The following NARS2 variants were observed in gnomAD, a reference collection of about 807,000 sequenced individuals.
NARS2 encodes the protein asparaginyl-tRNA synthetase.
A neutral mutation model predicts 62.9 loss-of-function variants in NARS2; 60 were observed. The ratio of observed to expected loss-of-function variants is 0.95; its 90% CI spans 0.77 to 1.18. NARS2 has a LOEUF of 1.18. NARS2 is among the 50% of genes most tolerant of loss of function. NARS2 has a pLI of 0.00. For synonymous variants in NARS2, 196 were observed against 200.0 expected (o/e 0.98, Z 0.17); for missense variants, 619 against 576.4 (o/e 1.07, Z -0.76).
chr11:78,516,286 G>A (rs1398391271), intron 6 of NARS2, among the ~76,000 whole-genome samples: 1 of 152,146 alleles, frequency 6.6e-6, no homozygotes. Context: ...CAATAATGGG[G>A]AGAAAGAGCT....
chr11:78,529,409 G>T (rs969821980), intron 5 of NARS2, among the ~76,000 whole-genome samples: 31 of 152,038 alleles, frequency 2.0e-4, no homozygotes, highest in African/African-American at 7.5e-4. Context: ...AACACATTAT[G>T]AACTTTCAAA....
Position 78,518,870 on chromosome 11 carries a change from G to C in NARS2, c.689+9972C>G, listed in dbSNP as rs113154875. ...TGAGTACTATAAGAGAGCAGAAAAA[G>C]ATAAAAATAATTTCTATGAGAAAAG... On this transcript the variant is annotated intron_variant, in intron 6 of 13. Transcript: ENST00000281038. Among the ~76,000 whole-genome samples, 182 of 152,200 alleles carry C rather than the reference G, an allele frequency of 1.2e-3. 1 individual carries two copies. Among genetic ancestry groups the C allele is most frequent in the African/African-American group, 4.3e-3 (177 of 41,526 alleles).
chr11:78,570,893 C>G (rs1856898566), intron 2 of NARS2, among the ~76,000 whole-genome samples: 1 of 152,090 alleles, frequency 6.6e-6, no homozygotes. Flanking sequence ...CATTTTAAGA[C>G]AGATGTAGGC....
intron 5 of NARS2, among the ~76,000 whole-genome samples, chr11:78,534,744 C>A (rs760416621): frequency 6.6e-6 from 1 of 152,162 alleles, no homozygotes; most frequent in Non-Finnish European, 1.5e-5. Flanking sequence ...CTGGGAATAG[C>A]AGTTACTCAG....
chr11:78,563,829 CAAAAAAA>C (rs1167838676), intron 4 of NARS2, among the ~76,000 whole-genome samples: 5 of 14,120 alleles, frequency 3.5e-4, no homozygotes, highest in African/African-American at 1.3e-3. Context: ...AACTCTGTAT[CAAAAAAA>C]AAAAAAAAAA....
At chr11:78,515,820 G>A (rs1860889338) in intron 6 of NARS2, among the ~76,000 whole-genome samples, 1 of 152,110 alleles carries the variant, frequency 6.6e-6, no homozygotes, top group African/African-American at 2.4e-5. Flanking sequence ...CACTGCACCT[G>A]GCCTGAACTG....
chr11:78,464,421 C>T (rs574700799), intron 11 of NARS2, among the ~76,000 whole-genome samples: 2 of 152,284 alleles, frequency 1.3e-5, no homozygotes, highest in Non-Finnish European at 1.5e-5. Context: ...CCACCCACAT[C>T]CTGCTGATTG....
intron 6 of NARS2, among the ~76,000 whole-genome samples, chr11:78,520,841 A>C (rs995784503): frequency 6.6e-6 from 1 of 152,132 alleles, no homozygotes; most frequent in Non-Finnish European, 1.5e-5. Flanking sequence ...GGATCACCTG[A>C]GGTCAGGAGT....
rs114882218 is a variant in NARS2 at position 78,481,492 on chromosome 11, C to T, written c.823-2809G>A. Among the ~76,000 whole-genome samples, 1,086 of 152,220 alleles carry T rather than the reference C, an allele frequency of 7.1e-3. 13 individuals carry two copies. The highest frequency in any genetic ancestry group is 0.025 in the African/African-American group (1,023 of 41,550). Reference sequence around the variant, plus strand: ...TGCACTGTTGAGGGACACAGTACACCCATTTGTAAGATGAAGACTTTGACC... The same window carrying T: ...TGCACTGTTGAGGGACACAGTACACTCATTTGTAAGATGAAGACTTTGACC... On this transcript the variant is annotated intron_variant, in intron 7 of 13. Coordinates refer to ENST00000281038, the MANE Select transcript of NARS2 (RefSeq NM_024678.6).
intron 5 of NARS2, among the ~76,000 whole-genome samples, chr11:78,552,265 A>G (rs916215300): frequency 1.3e-5 from 2 of 152,144 alleles, no homozygotes; most frequent in African/African-American, 4.8e-5. Context: ...CTGTTCCTGC[A>G]TTAGTTTGCT....
intron 11 of NARS2, among the ~76,000 whole-genome samples, chr11:78,462,789 A>T (rs12273367): frequency 0.22 from 34,132 of 152,032 alleles, 4,156 homozygotes; most frequent in East Asian, 0.41. Context: ...GTATTAATAC[A>T]AAATGAAAAA....
At chr11:78,565,841 G>A (rs1384475942) in intron 4 of NARS2, among the ~76,000 whole-genome samples, 3 of 152,188 alleles carry the variant, frequency 2.0e-5, no homozygotes, top group African/African-American at 7.2e-5. Flanking sequence ...GTACTAGACT[G>A]AGCACTGCTA....
At chr11:78,564,060 A>C (rs1555044393) in intron 4 of NARS2, among the ~76,000 whole-genome samples, 1 of 149,632 alleles carries the variant, frequency 6.7e-6, no homozygotes, top group Non-Finnish European at 1.5e-5. Context: ...CACCATACCC[A>C]GCTAATTTTT....
At chr11:78,468,792 C>CTTTT (rs538005557) in intron 10 of NARS2, among the ~76,000 whole-genome samples, 1 of 130,642 alleles carries the variant, frequency 7.7e-6, no homozygotes, top group Admixed American at 7.7e-5. Flanking sequence ...TAAAAATTCA[C>CTTTT]TTTTTTTTTT....
chr11:78,521,741 G>C (rs1016638153), intron 6 of NARS2, among the ~76,000 whole-genome samples: 3 of 126,416 alleles, frequency 2.4e-5, no homozygotes, highest in African/African-American at 9.5e-5. Flanking sequence ...AGTGAGCCGA[G>C]ATCCCGCCAC....
At chr11:78,469,874 G>A (rs2090094) in intron 9 of NARS2, among the ~76,000 whole-genome samples, 5,261 of 152,188 alleles carry the variant, frequency 0.035, 275 homozygotes, top group African/African-American at 0.12. Context: ...GGCAGAGGGG[G>A]TTTGGGGTGC....
intron 10 of NARS2, 121 bp from the exon 11 acceptor site, chr11:78,466,134 G>T: frequency 1.0e-6 from 1 of 990,284 alleles, no homozygotes; most frequent in Non-Finnish European, 1.5e-6. Flanking sequence ...CATGTGTGGA[G>T]CTAGCTGCTA....
intron 6 of NARS2, among the ~76,000 whole-genome samples, chr11:78,505,627 AT>A (rs1860465139): frequency 6.6e-6 from 1 of 152,174 alleles, no homozygotes; most frequent in Non-Finnish European, 1.5e-5. Context: ...CTGAAGTCAT[AT>A]TGATTTATTC....
intron 11 of NARS2, among the ~76,000 whole-genome samples, chr11:78,454,764 A>G (rs867745313): frequency 6.6e-6 from 1 of 150,826 alleles, no homozygotes; most frequent in Non-Finnish European, 1.5e-5. Context: ...GATTATAGGC[A>G]CCTGCCACTA....
Sources: allele counts gnomAD v4.1 joint callset (sites outside exome capture counted in the v4.1 genomes callset), GRCh38; gene constraint gnomAD v4.1.1; transcripts MANE v1.5; gene names NCBI Gene and HGNC (gene_info 2026-07-23, HGNC 2026-07-21).